Variants in GLIS3 observed in about 807,000 individuals in gnomAD.
The protein encoded by GLIS3 is zinc finger protein GLIS3.
Under a neutral mutation model 78.6 loss-of-function variants are expected in GLIS3, and 53 were observed. The observed-to-expected ratio is 0.67, with a 90% CI of 0.54 to 0.85. GLIS3 has a LOEUF of 0.85. GLIS3 is among the 40% of genes least tolerant of loss of function. The pLI is 0.00. For synonymous variants in GLIS3, 684 were observed against 509.9 expected, an observed-to-expected ratio of 1.34 and a Z score of -4.60; for missense variants, 1,703 against 1,231.1, an observed-to-expected ratio of 1.38 and a Z score of -5.74.
intron 1 of GLIS3, 92 bp from the exon 2 acceptor site, chr9:4,286,615 G>C: frequency 1.5e-6 from 1 of 685,710 alleles, no homozygotes. Flanking sequence ...TCATAAGGAA[G>C]AAAAGCAGCA....
intron 2 of GLIS3, among the ~76,000 whole-genome samples, chr9:4,151,509 G>A (rs527675544): frequency 5.9e-5 from 9 of 152,272 alleles, no homozygotes; most frequent in African/African-American, 2.2e-4. Flanking sequence ...TAAGCATATG[G>A]AACTTGACAG....
At chr9:3,872,529 T>C (rs975471760) in intron 8 of GLIS3, among the ~76,000 whole-genome samples, 2 of 152,198 alleles carry the variant, frequency 1.3e-5, no homozygotes, top group African/African-American at 4.8e-5. Context: ...TTTACATGGA[T>C]GGCAGCAGGC....
chr9:3,877,719 A>C (rs998382396), intron 8 of GLIS3, among the ~76,000 whole-genome samples: 12 of 152,142 alleles, frequency 7.9e-5, no homozygotes, highest in African/African-American at 2.9e-4. Context: ...CCTCCTAAAT[A>C]ATTGCTCTTG....
chr9:4,290,003 G>C (rs1828314470), intron 1 of GLIS3, among the ~76,000 whole-genome samples: 1 of 152,010 alleles, frequency 6.6e-6, no homozygotes, highest in Non-Finnish European at 1.5e-5. Context: ...TTCTACCCAA[G>C]GCTCCAGGCA....
At chr9:4,444,677 G>A in the GLIS3 span, among the ~76,000 whole-genome samples, 1 of 152,224 alleles carries the variant, frequency 6.6e-6, no homozygotes, top group Non-Finnish European at 1.5e-5. Context: ...CCCTTTAGAT[G>A]AACACATATG....
chr9:4,082,647 C>G (rs777670981), intron 4 of GLIS3, among the ~76,000 whole-genome samples: 1 of 152,124 alleles, frequency 6.6e-6, no homozygotes, highest in Admixed American at 6.6e-5. Flanking sequence ...GAAGGATTCA[C>G]GAAACTTTGA....
chr9:4,091,508 A>T (rs1829498933), intron 4 of GLIS3, among the ~76,000 whole-genome samples: 2 of 150,092 alleles, frequency 1.3e-5, no homozygotes, highest in African/African-American at 2.4e-5. Flanking sequence ...GCACTTCATT[A>T]GACTACACGC....
chr9:4,079,077 G>T (rs1828325974), intron 4 of GLIS3, among the ~76,000 whole-genome samples: 2 of 152,150 alleles, frequency 1.3e-5, no homozygotes, highest in Admixed American at 1.3e-4. Flanking sequence ...CATACTAAAG[G>T]AGGGTTTCCT....
the GLIS3 span, among the ~76,000 whole-genome samples, chr9:4,443,430 A>G: frequency 6.6e-6 from 1 of 152,362 alleles, no homozygotes; most frequent in East Asian, 1.9e-4. Flanking sequence ...AAATGAATGA[A>G]TGAATGAGAA....
intron 4 of GLIS3, among the ~76,000 whole-genome samples, chr9:4,014,670 A>G (rs2130075745): frequency 6.6e-6 from 1 of 152,350 alleles, no homozygotes; most frequent in African/African-American, 2.4e-5. Flanking sequence ...GAAAACTTCT[A>G]GCCTGTGAAC....
chr9:3,851,606 A>G (rs1819437142), intron 9 of GLIS3, among the ~76,000 whole-genome samples: 1 of 152,180 alleles, frequency 6.6e-6, no homozygotes, highest in Non-Finnish European at 1.5e-5. Context: ...CGCAACAAAA[A>G]TATAGGGAGA....
intron 2 of GLIS3, among the ~76,000 whole-genome samples, chr9:4,260,769 G>A (rs77951796): frequency 0.023 from 3,486 of 151,866 alleles, 93 homozygotes; most frequent in African/African-American, 0.071. Context: ...AAGAAAAAAA[G>A]GACTGACTTG....
At chr9:3,925,746 C>G (rs1438065447) in intron 6 of GLIS3, among the ~76,000 whole-genome samples, 2 of 152,146 alleles carry the variant, frequency 1.3e-5, no homozygotes, top group Non-Finnish European at 2.9e-5. Flanking sequence ...TTTTAATTAT[C>G]TTTCTTAAAA....
chr9:4,061,659 A>G (rs1200546824), intron 4 of GLIS3, among the ~76,000 whole-genome samples: 1 of 152,206 alleles, frequency 6.6e-6, no homozygotes, highest in Non-Finnish European at 1.5e-5. Context: ...ATACTTTTTT[A>G]GAGTCTCGGG....
At chr9:4,376,432 A>G in the GLIS3 span, among the ~76,000 whole-genome samples, 10 of 77,904 alleles carry the variant, frequency 1.3e-4, 2 homozygotes, top group African/African-American at 3.8e-4. Context: ...CTCTCTTTCT[A>G]AACACAAGAG....
At chr9:4,087,533 G>C (rs141265457) in intron 4 of GLIS3, among the ~76,000 whole-genome samples, 2 of 152,234 alleles carry the variant, frequency 1.3e-5, no homozygotes, top group South Asian at 2.1e-4. Context: ...TTTAGTGCCA[G>C]GGAACAGTTT....
chr9:4,173,470 G>T (rs141652629), intron 2 of GLIS3, among the ~76,000 whole-genome samples: 1 of 151,702 alleles, frequency 6.6e-6, no homozygotes, highest in African/African-American at 2.4e-5. Context: ...TGGGGCATAA[G>T]TAAATTTCAA....
In GLIS3 at chr9:3,919,648, T is replaced by TAA. The variant is rs570683535; in HGVS notation, c.1983+12710_1983+12711dup. Among the ~76,000 whole-genome samples the TAA allele has an allele frequency of 7.6e-3, 937 of 123,850 alleles. 9 individuals are homozygous for TAA. Among genetic ancestry groups the TAA allele is most frequent in the South Asian group, 0.029 (115 of 3,996 alleles). 81.3% of individuals were successfully genotyped at this position (123,850 alleles called of 152,430 possible). A position where few individuals can be genotyped will look rare whatever the true frequency, so the allele number is the denominator to read the frequency against. The stretch of plus-strand genomic sequence containing the variant: ...TGAACTTAAAGTAGAAGTTAAAAAA[T>TAA]AAAAAAAAAAAATTAAAAATAAAAA... On this transcript the variant is annotated intron_variant, in intron 6 of 10. Transcript: ENST00000381971.
rs113917669 is a variant in GLIS3, at chr9:4,077,976, T to C, written c.1710+39792A>G. On this transcript the variant is annotated intron_variant, in intron 4 of 10. Coordinates refer to ENST00000381971, the MANE Select transcript of GLIS3 (RefSeq NM_001042413.2). ...TATGCAGTCACTTTCTTCCCTTTTT[T>C]ACTTTCCCAGTTTTCTGATACCTAG... Among the ~76,000 whole-genome samples, 127 of 152,334 alleles carry C rather than the reference T, an allele frequency of 8.3e-4. 2 individuals are homozygous for C. Among genetic ancestry groups the C allele is most frequent in the African/African-American group, 2.3e-3 (95 of 41,584 alleles).
Sources: allele counts gnomAD v4.1 joint callset (sites outside exome capture counted in the v4.1 genomes callset), GRCh38; gene constraint gnomAD v4.1.1; transcripts MANE v1.5; gene names NCBI Gene and HGNC (gene_info 2026-07-23, HGNC 2026-07-21).